The following DAB1 variants were observed in gnomAD, a reference collection of about 807,000 sequenced individuals.
DAB1 encodes the protein DAB adaptor protein 1.
Under a neutral mutation model 64.6 loss-of-function variants are expected in DAB1, and 15 were observed. The ratio of observed to expected loss-of-function variants is 0.23; its 90% CI spans 0.16 to 0.36. The LOEUF is 0.36. Among genes scored for constraint, DAB1 ranks in the 10% least tolerant of loss-of-function variants. The pLI, the probability that DAB1 is intolerant of heterozygous loss-of-function variation, is 1.00. For synonymous variants in DAB1, 235 were observed against 251.9 expected (o/e 0.93, Z 0.64); for missense variants, 596 against 706.7 (o/e 0.84, Z 1.78).
At chr1:57,732,794 G>A (rs2101776641) in intron 6 of DAB1, among the ~76,000 whole-genome samples, 1 of 152,280 alleles carries the variant, frequency 6.6e-6, no homozygotes. Context: ...AGGAGAGACT[G>A]GTCCTGGGTC....
At chr1:57,981,540 G>T (rs1646065541) in intron 5 of DAB1, among the ~76,000 whole-genome samples, 1 of 152,202 alleles carries the variant, frequency 6.6e-6, no homozygotes, top group South Asian at 2.1e-4. Context: ...ATCAAAAGAA[G>T]ATGTGCTTAA....
intron 5 of DAB1, among the ~76,000 whole-genome samples, chr1:58,068,038 A>G (rs1178931154): frequency 6.6e-6 from 1 of 152,248 alleles, no homozygotes; most frequent in Non-Finnish European, 1.5e-5. Flanking sequence ...ACAGGAATAC[A>G]GTTCTCAAAC....
At position 58,543,430 on chromosome 1, in the gene DAB1, A is replaced by C. The variant is rs527640491; in HGVS notation, n.32+3273T>G. 6.6e-5 allele frequency among the ~76,000 whole-genome samples: 10 copies of C among 152,282 alleles called. No homozygotes were observed. The South Asian group carries it at 2.1e-3, about 32-fold the overall frequency. ...ATCCAAAATATCTCAGCCCACATTA[A>C]ATCAGTCATGTCAATTCTACCTCCT... On this transcript the variant is annotated intron_variant and non_coding_transcript_variant, in intron 1 of 20. Coordinates refer to the DAB1 transcript ENST00000485760.
intron 7 of DAB1, among the ~76,000 whole-genome samples, chr1:57,530,433 C>T (rs1269241417): frequency 1.3e-5 from 2 of 151,958 alleles, no homozygotes; most frequent in Admixed American, 6.6e-5. Context: ...ATGCCATCTG[C>T]GTGTTTAAGG....
chr1:58,524,306 C>T (rs1646315960), intron 2 of DAB1, among the ~76,000 whole-genome samples: 1 of 152,222 alleles, frequency 6.6e-6, no homozygotes, highest in Non-Finnish European at 1.5e-5. Flanking sequence ...TCTGCTGCCT[C>T]TTGGTCAGCA....
chr1:58,115,767 T>C (rs1652283842), intron 5 of DAB1, among the ~76,000 whole-genome samples: 1 of 110,356 alleles, frequency 9.1e-6, no homozygotes, highest in Non-Finnish European at 1.8e-5. Context: ...ATATTCTCAC[T>C]CATAGGTGGG....
At chr1:57,164,959 G>A (rs571551198) in intron 2 of DAB1, among the ~76,000 whole-genome samples, 1 of 152,292 alleles carries the variant, frequency 6.6e-6, no homozygotes, top group South Asian at 2.1e-4. Flanking sequence ...CAGTTACTCT[G>A]TACTTGCTGA....
At chr1:57,131,275 C>G (rs1056585168) in intron 4 of DAB1, among the ~76,000 whole-genome samples, 1 of 152,174 alleles carries the variant, frequency 6.6e-6, no homozygotes, top group African/African-American at 2.4e-5. Context: ...TTCATGAAGT[C>G]ATTTAACCTA....
intron 5 of DAB1, among the ~76,000 whole-genome samples, chr1:58,043,640 T>C (rs1230897833): frequency 6.6e-6 from 1 of 152,246 alleles, no homozygotes; most frequent in Admixed American, 6.5e-5. Flanking sequence ...AGTTAATGTC[T>C]GGATTTTCTT....
intron 7 of DAB1, among the ~76,000 whole-genome samples, chr1:57,610,289 T>C (rs1027686146): frequency 2.0e-4 from 31 of 152,226 alleles, no homozygotes; most frequent in African/African-American, 7.2e-4. Context: ...GCTTCTGATA[T>C]GCATTAATAA....
chr1:58,419,563 C>T (rs1644753496), intron 3 of DAB1, among the ~76,000 whole-genome samples: 1 of 152,186 alleles, frequency 6.6e-6, no homozygotes, highest in Non-Finnish European at 1.5e-5. Context: ...TTCCCTTACA[C>T]TGTCAGGCTC....
chr1:57,629,476 G>C (rs1027020291), intron 7 of DAB1, among the ~76,000 whole-genome samples: 2 of 152,150 alleles, frequency 1.3e-5, no homozygotes, highest in Admixed American at 6.5e-5. Context: ...GACTGTCCAG[G>C]AGCTAACACG....
intron 1 of DAB1, among the ~76,000 whole-genome samples, chr1:57,354,649 A>C (rs1678912931): frequency 6.6e-6 from 1 of 152,090 alleles, no homozygotes; most frequent in Admixed American, 6.5e-5. Flanking sequence ...TCTTTCATTC[A>C]TGATGGTGTT....
chr1:58,071,132 A>G (rs1649212573), intron 5 of DAB1, among the ~76,000 whole-genome samples: 1 of 152,178 alleles, frequency 6.6e-6, no homozygotes, highest in African/African-American at 2.4e-5. Context: ...GAGGCTTAGC[A>G]AGAATGGCCA....
intron 4 of DAB1, among the ~76,000 whole-genome samples, chr1:57,118,559 A>C (rs1028113844): frequency 2.6e-5 from 4 of 152,226 alleles, no homozygotes; most frequent in Non-Finnish European, 5.9e-5. Context: ...TGAAGTTAAC[A>C]TGGAGAGAAT....
At chr1:58,429,027 A>T (rs1358168580) in intron 3 of DAB1, among the ~76,000 whole-genome samples, 1 of 152,230 alleles carries the variant, frequency 6.6e-6, no homozygotes, top group Non-Finnish European at 1.5e-5. Flanking sequence ...ATCGTGTAGT[A>T]TAAGACCCAT....
intron 6 of DAB1, among the ~76,000 whole-genome samples, chr1:57,797,650 G>T (rs769196477): frequency 6.6e-6 from 1 of 152,162 alleles, no homozygotes; most frequent in African/African-American, 2.4e-5. Context: ...TTCCTTACAC[G>T]TATAAAAGAG....
chr1:58,439,830 C>A (rs706432), intron 3 of DAB1, among the ~76,000 whole-genome samples: 8 of 152,010 alleles, frequency 5.3e-5, no homozygotes, highest in Non-Finnish European at 1.2e-4. Flanking sequence ...GTGATTAGAC[C>A]ATCACTATCA....
intron 1 of DAB1, chr1:58,530,754 A>G: frequency 1.2e-6 from 1 of 866,718 alleles, no homozygotes; most frequent in Non-Finnish European, 2.0e-6. Flanking sequence ...AATAATAAAA[A>G]CTACATTTTA....
Sources: gnomAD v4.1 joint callset for allele counts (sites outside exome capture counted in the v4.1 genomes callset) on GRCh38, gnomAD v4.1.1 for gene constraint, MANE v1.5 for transcripts, NCBI Gene and HGNC (gene_info 2026-07-23, HGNC 2026-07-21) for gene names.